Variants in DNAH6 observed in about 807,000 individuals in gnomAD.
The protein encoded by DNAH6 is axonemal beta dynein heavy chain 6.
In DNAH6, 340 loss-of-function variants were observed where a neutral mutation model predicts 491.4. The ratio of observed to expected loss-of-function variants is 0.69; its 90% confidence interval spans 0.63 to 0.76. The LOEUF (loss-of-function observed/expected upper bound fraction) is 0.76, where lower values mean the gene tolerates loss of function less well. DNAH6 is among the 30% of genes least tolerant of loss of function. The probability of loss-of-function intolerance (pLI) is 0.00; values close to 1 mark genes in which losing one functional copy is unlikely to be tolerated. For missense variants in DNAH6, 4,443 were observed against 4,972.2 expected (o/e 0.89, Z 3.20); for synonymous variants, 1,603 against 1,686.1 (o/e 0.95, Z 1.21).
rs142086086 is a variant in DNAH6 at position 84,579,821 on chromosome 2, C to T, written c.2229+142C>T. 641 of 659,984 alleles carry T rather than the reference C, an allele frequency of 9.7e-4. 5 individuals carry two copies. Among genetic ancestry groups the T allele is most frequent in the South Asian group, 1.3e-3 (60 of 44,464 alleles). The allele number at this position is 659,984 out of a possible 1,614,324, so 40.9% of individuals were successfully genotyped here. On this transcript the variant is annotated intron_variant, in intron 14 of 76. Transcript: ENST00000389394. Reference sequence around the variant, plus strand: ...ACTTTCAAAGTAAGTGGATGTTCTACATCACAGGAATAAAGCCAGCTGACA... The same window carrying T: ...ACTTTCAAAGTAAGTGGATGTTCTATATCACAGGAATAAAGCCAGCTGACA...
At chr2:84,486,349 T>C in the DNAH6 span, among the ~76,000 whole-genome samples, 1 of 152,238 alleles carries the variant, frequency 6.6e-6, no homozygotes. Context: ...TCTCCTTAAA[T>C]GGTGCCCAAA....
chr2:84,765,036 T>C (rs1674947415), intron 64 of DNAH6, among the ~76,000 whole-genome samples: 1 of 151,970 alleles, frequency 6.6e-6, no homozygotes, highest in Non-Finnish European at 1.5e-5. Flanking sequence ...TCTATCAATA[T>C]GACTATGTCA....
intron 12 of DNAH6, among the ~76,000 whole-genome samples, chr2:84,575,591 G>GT (rs1167297918): frequency 6.6e-6 from 1 of 152,148 alleles, no homozygotes; most frequent in Admixed American, 6.5e-5. Flanking sequence ...CTGCTTAACC[G>GT]TTTTACGTAC....
chr2:84,705,663 G>C lies in DNAH6; in HGVS notation c.8643G>C (p.Met2881Ile), dbSNP rs1573547807. 1 of 1,551,676 alleles carries C rather than the reference G, an allele frequency of 6.4e-7. No homozygotes were observed. Among genetic ancestry groups the C allele is most frequent in the Non-Finnish European group, 8.7e-7 (1 of 1,146,974 alleles). The change falls in exon 52 of 77, where the codon ATG becomes ATC. Residue 2881 changes from methionine (M) to isoleucine (I), a missense_variant. Physicochemically the swap from Met to Ile is conservative, Grantham distance 10. Coordinates refer to ENST00000389394, the MANE Select transcript of DNAH6 (RefSeq NM_001370.2). ...VEKVSKACKS[M>I]CMWVRAMDLY... ...AAGTGTCCAAAGCATGTAAATCTAT[G>C]TGCATGTGGGTAAGAGCTATGGATT...
At chr2:84,726,079 T>A (rs1192331) in intron 60 of DNAH6, among the ~76,000 whole-genome samples, 5,438 of 152,256 alleles carry the variant, frequency 0.036, 147 homozygotes, top group South Asian at 0.061. Context: ...TCAGGCCCCT[T>A]TACCTTTGCG....
rs1050906340 is a variant in DNAH6, at chr2:84,694,461, T to G, written c.7505T>G (p.Phe2502Cys). The G allele has an allele frequency of 1.9e-6, 3 of 1,551,622 alleles. No individual in the cohort carries two copies. In the African/African-American group the frequency reaches 4.1e-5, roughly 21 times the overall value. Residue 2502 changes from phenylalanine to cysteine, a missense_variant, in exon 46 of 77, where the codon TTC becomes TGC. Physicochemically the swap from Phe to Cys is radical, Grantham distance 205 (BLOSUM62 -2). Transcript: ENST00000389394. ...GGTGTAGAAGACAAGAATATGGTTT[T>G]CCTTTTCACTGACACCCAGGTGTGT... The part of the protein sequence containing the change: ...MAGVEDKNMV[F>C]LFTDTQIVVE...
chr2:84,609,746 T>C (rs145198552), intron 21 of DNAH6, among the ~76,000 whole-genome samples: 276 of 152,198 alleles, frequency 1.8e-3, no homozygotes, highest in African/African-American at 6.4e-3. Context: ...TTGGTAATTG[T>C]AATAATTTTG....
At chr2:84,760,488 A>G (rs1045548184) in intron 63 of DNAH6, among the ~76,000 whole-genome samples, 3 of 152,220 alleles carry the variant, frequency 2.0e-5, no homozygotes, top group South Asian at 2.1e-4. Context: ...CAATTAAAAA[A>G]CAGGCAAAGG....
intron 42 of DNAH6, among the ~76,000 whole-genome samples, chr2:84,682,660 A>G (rs1035408997): frequency 2.0e-5 from 3 of 152,164 alleles, no homozygotes; most frequent in African/African-American, 7.2e-5. Flanking sequence ...GGAGACTACC[A>G]TTAGTTGCTC....
chr2:84,489,103 CAGTG>C, the DNAH6 span, among the ~76,000 whole-genome samples: 1 of 152,158 alleles, frequency 6.6e-6, no homozygotes, highest in East Asian at 1.9e-4. Context: ...ATAACTTCAA[CAGTG>C]TGCATATGTA....
chr2:84,611,517 AC>A (rs1261458744), intron 21 of DNAH6, among the ~76,000 whole-genome samples, 156 bp from the exon 22 acceptor site: 3 of 152,100 alleles, frequency 2.0e-5, no homozygotes, highest in Non-Finnish European at 2.9e-5. Context: ...TGAATCTTGG[AC>A]CTTGTAAGGA....
intron 63 of DNAH6, among the ~76,000 whole-genome samples, chr2:84,751,623 T>C (rs142596773): frequency 1.3e-5 from 2 of 152,358 alleles, no homozygotes; most frequent in Admixed American, 1.3e-4. Flanking sequence ...AGGAAAAGGT[T>C]ATTAGGAATT....
At chr2:84,760,226 A>C (rs1031755799) in intron 63 of DNAH6, among the ~76,000 whole-genome samples, 5 of 152,180 alleles carry the variant, frequency 3.3e-5, no homozygotes, top group Admixed American at 2.0e-4. Context: ...GAAGAAAACC[A>C]AGGGAAACTC....
chr2:84,714,423 G>A (rs1697333886), intron 57 of DNAH6, among the ~76,000 whole-genome samples: 1 of 152,148 alleles, frequency 6.6e-6, no homozygotes, highest in Non-Finnish European at 1.5e-5. Context: ...TCAGAGTTTA[G>A]AAAAGTGACC....
chr2:84,776,154 G>A (rs1559028195), intron 64 of DNAH6, among the ~76,000 whole-genome samples: 1 of 152,142 alleles, frequency 6.6e-6, no homozygotes, highest in Non-Finnish European at 1.5e-5. Context: ...TACGATACTG[G>A]ATTTATACAC....
the DNAH6 span, among the ~76,000 whole-genome samples, chr2:84,474,212 C>A: frequency 2.6e-5 from 4 of 152,178 alleles, no homozygotes; most frequent in Non-Finnish European, 5.9e-5. Context: ...ATTAACAGCC[C>A]TTAAATCTGT....
At chr2:84,469,108 A>G in the DNAH6 span, among the ~76,000 whole-genome samples, 1 of 152,208 alleles carries the variant, frequency 6.6e-6, no homozygotes, top group South Asian at 2.1e-4. The surrounding 1 kb of genome is among the most constrained non-coding windows in gnomAD (Gnocchi z 4.0). Context: ...TAGCCTTAGA[A>G]TTCTTTTTCT....
chr2:84,699,828 T>C, intron 48 of DNAH6, 94 bp downstream of exon 48: 1 of 1,242,122 alleles, frequency 8.1e-7, no homozygotes, highest in Non-Finnish European at 1.1e-6. Context: ...TGGGTACTTG[T>C]ATTAGCTTTA....
intron 26 of DNAH6, among the ~76,000 whole-genome samples, chr2:84,622,308 A>G (rs1308809225): frequency 6.6e-6 from 1 of 152,086 alleles, no homozygotes; most frequent in Non-Finnish European, 1.5e-5. Context: ...ATTTCATTGT[A>G]TGTGTATACC....
Sources: allele counts gnomAD v4.1 joint callset (sites outside exome capture counted in the v4.1 genomes callset), GRCh38; gene constraint gnomAD v4.1.1; non-coding constraint Gnocchi (gnomAD v3.1); transcripts MANE v1.5; gene names NCBI Gene and HGNC (gene_info 2026-07-23, HGNC 2026-07-21).